MACROD2: variants seen among roughly 807,000 people sequenced by gnomAD.
The protein encoded by MACROD2 is ADP-ribose glycohydrolase MACROD2.
A neutral mutation model predicts 70.4 loss-of-function variants in MACROD2; 36 were observed. The observed-to-expected ratio is 0.51, with a 90% confidence interval of 0.39 to 0.68. MACROD2 has a LOEUF of 0.68. MACROD2 is among the 30% of genes least tolerant of loss of function. MACROD2 has a pLI of 0.00. For missense variants in MACROD2, 496 were observed against 538.4 expected (o/e 0.92, Z 0.78); for synonymous variants, 172 against 178.8 (o/e 0.96, Z 0.30).
chr20:14,383,547 T>C (rs1407827794), intron 3 of MACROD2, among the ~76,000 whole-genome samples: 1 of 152,202 alleles, frequency 6.6e-6, no homozygotes, highest in Non-Finnish European at 1.5e-5. Context: ...ATGCTAGCCA[T>C]TGATGCCAAA....
At chr20:15,973,769 A>G (rs1474292563) in intron 13 of MACROD2, among the ~76,000 whole-genome samples, 2 of 152,212 alleles carry the variant, frequency 1.3e-5, no homozygotes, top group Non-Finnish European at 2.9e-5. Context: ...ATCAAAAGAA[A>G]ACATGAAGAA....
In MACROD2 at chr20:14,862,574, A is replaced by T. The variant is rs1280841741; in HGVS notation, c.418+177615A>T. Reference sequence around the variant, plus strand: ...ATATATATAAATATAAATATATATAAATATATATGTATAAATATATATATA... The same window carrying T: ...ATATATATAAATATAAATATATATATATATATATGTATAAATATATATATA... On this transcript the variant is annotated intron_variant, in intron 5 of 17. Transcript: ENST00000684519. Among the ~76,000 whole-genome samples the T allele has an allele frequency of 7.3e-5, 3 of 41,156 alleles. 1 individual carries two copies. The highest frequency in any genetic ancestry group is 2.5e-4 in the African/African-American group (3 of 11,898). The allele number at this position is 41,156 out of a possible 152,430, so 27.0% of individuals were successfully genotyped here.
intron 8 of MACROD2, among the ~76,000 whole-genome samples, chr20:15,536,414 G>A (rs1286738947): frequency 6.6e-6 from 1 of 152,182 alleles, no homozygotes; most frequent in African/African-American, 2.4e-5. Context: ...CTGGGGATTG[G>A]ACATCTTCAG....
chr20:14,740,520 TTTAAA>T (rs1400378768), intron 5 of MACROD2, among the ~76,000 whole-genome samples: 1 of 152,176 alleles, frequency 6.6e-6, no homozygotes, highest in Non-Finnish European at 1.5e-5. Flanking sequence ...CTGACAGTAA[TTTAAA>T]TTAAACTATC....
intron 3 of MACROD2, among the ~76,000 whole-genome samples, chr20:14,133,332 A>G (rs1298305171): frequency 6.6e-6 from 1 of 152,226 alleles, no homozygotes; most frequent in Non-Finnish European, 1.5e-5. Context: ...AGTACAGTTA[A>G]TGAGTTATCA....
intron 5 of MACROD2, among the ~76,000 whole-genome samples, chr20:15,127,550 G>T (rs1457932931): frequency 2.0e-5 from 3 of 151,992 alleles, no homozygotes. Flanking sequence ...TGAATGTTTG[G>T]TTGGAGCTGG....
intron 3 of MACROD2, among the ~76,000 whole-genome samples, chr20:14,372,085 G>A (rs2083330165): frequency 6.6e-6 from 1 of 152,088 alleles, no homozygotes; most frequent in African/African-American, 2.4e-5. Context: ...GCCTGATTTT[G>A]CTTATCATCA....
At chr20:15,450,587 A>G (rs1416778773) in intron 7 of MACROD2, among the ~76,000 whole-genome samples, 1 of 152,118 alleles carries the variant, frequency 6.6e-6, no homozygotes, top group Non-Finnish European at 1.5e-5. Flanking sequence ...GTGTGTTTCT[A>G]TATGTCAGTT....
intron 5 of MACROD2, among the ~76,000 whole-genome samples, chr20:15,063,138 G>A (rs1282450132): frequency 1.3e-5 from 2 of 152,188 alleles, no homozygotes; most frequent in African/African-American, 2.4e-5. Context: ...AGATGAGTAA[G>A]GCATGGCTCC....
intron 4 of MACROD2, among the ~76,000 whole-genome samples, chr20:14,666,896 C>T (rs1387676398): frequency 6.6e-6 from 1 of 151,636 alleles, no homozygotes; most frequent in African/African-American, 2.4e-5. Context: ...CTGTGATGGT[C>T]AGTTTTGGGT....
At chr20:15,647,793 C>T (rs6110702) in intron 8 of MACROD2, among the ~76,000 whole-genome samples, 11,511 of 149,580 alleles carry the variant, frequency 0.077, 1,419 homozygotes, top group African/African-American at 0.26. Flanking sequence ...AATCTTGGCT[C>T]ACTGCAACCT....
At chr20:15,610,112 A>G (rs2048946290) in intron 8 of MACROD2, among the ~76,000 whole-genome samples, 1 of 152,156 alleles carries the variant, frequency 6.6e-6, no homozygotes, top group Non-Finnish European at 1.5e-5. Context: ...ACTTAACGTA[A>G]ACTGCTCCCT....
At chr20:14,782,848 C>T (rs766982212) in intron 5 of MACROD2, among the ~76,000 whole-genome samples, 6 of 152,030 alleles carry the variant, frequency 3.9e-5, no homozygotes, top group Admixed American at 6.5e-5. Flanking sequence ...AAGAACATGC[C>T]GCATTACAGG....
intron 3 of MACROD2, among the ~76,000 whole-genome samples, chr20:14,306,984 TC>T (rs2082526041): frequency 1.3e-5 from 2 of 149,894 alleles, no homozygotes; most frequent in South Asian, 4.2e-4. Context: ...TCTATACGCC[TC>T]AAAGTGTGAA....
intron 5 of MACROD2, among the ~76,000 whole-genome samples, chr20:15,046,390 C>T (rs1360587289): frequency 6.6e-6 from 1 of 152,150 alleles, no homozygotes; most frequent in African/African-American, 2.4e-5. Flanking sequence ...ACATGTTCTT[C>T]CATTACCGCA....
chr20:14,486,806 A>C (rs1188311001), intron 3 of MACROD2, among the ~76,000 whole-genome samples: 1 of 152,164 alleles, frequency 6.6e-6, no homozygotes, highest in Non-Finnish European at 1.5e-5. Flanking sequence ...GGTATGAGAC[A>C]CCATGCCCAG....
At chr20:14,747,714 G>C (rs1323138377) in intron 5 of MACROD2, among the ~76,000 whole-genome samples, 1 of 152,062 alleles carries the variant, frequency 6.6e-6, no homozygotes, top group African/African-American at 2.4e-5. Flanking sequence ...GATTAGAGTG[G>C]TATGATAGAG....
chr20:15,777,635 TTC>T (rs2051753618), intron 8 of MACROD2, among the ~76,000 whole-genome samples: 1 of 106,332 alleles, frequency 9.4e-6, no homozygotes, highest in Admixed American at 9.4e-5. Flanking sequence ...CCCTCCTTCC[TTC>T]CTCTCTCTCT....
chr20:14,269,786 T>A (rs2082175147), intron 3 of MACROD2, among the ~76,000 whole-genome samples: 1 of 148,240 alleles, frequency 6.7e-6, no homozygotes, highest in African/African-American at 2.4e-5. Context: ...TTCTTCAGCG[T>A]CTTTGATAAA....
Sources: allele counts gnomAD v4.1 joint callset (sites outside exome capture counted in the v4.1 genomes callset), GRCh38; gene constraint gnomAD v4.1.1; transcripts MANE v1.5; gene names NCBI Gene and HGNC (gene_info 2026-07-23, HGNC 2026-07-21).